The following RALGPS2 variants were observed in gnomAD, a reference collection of about 807,000 sequenced individuals.
The protein encoded by RALGPS2 is ras-specific guanine nucleotide-releasing factor RalGPS2.
A neutral mutation model predicts 86.8 loss-of-function variants in RALGPS2; 43 were observed. That is an observed-to-expected ratio of 0.50 (90% CI 0.39 to 0.64). The LOEUF is 0.64. RALGPS2 is among the 30% of genes least tolerant of loss of function. The probability of loss-of-function intolerance (pLI) is 0.00; values close to 1 mark genes in which losing one functional copy is unlikely to be tolerated. For missense variants in RALGPS2, 536 were observed against 694.6 expected (o/e 0.77, Z 2.57); for synonymous variants, 243 against 231.3 (o/e 1.05, Z -0.46).
At chr1:178,886,792 A>G (rs986542694) in intron 13 of RALGPS2, among the ~76,000 whole-genome samples, 1 of 152,152 alleles carries the variant, frequency 6.6e-6, no homozygotes, top group South Asian at 2.1e-4. Context: ...AAGTAAGGGG[A>G]AAAAAACAAA....
intron 8 of RALGPS2, chr1:178,850,312 T>A (rs764976370): frequency 6.6e-6 from 1 of 152,616 alleles, no homozygotes; most frequent in Non-Finnish European, 1.5e-5. Flanking sequence ...ATTAGAACTA[T>A]AATTCAGATC....
intron 4 of RALGPS2, among the ~76,000 whole-genome samples, chr1:178,795,442 T>G (rs1654144696): frequency 6.6e-6 from 1 of 152,164 alleles, no homozygotes; most frequent in East Asian, 1.9e-4. Flanking sequence ...AGACAAAGTC[T>G]TACTCTGTTG....
intron 1 of RALGPS2, among the ~76,000 whole-genome samples, chr1:178,729,811 C>T (rs982216401): frequency 4.6e-5 from 7 of 152,204 alleles, no homozygotes; most frequent in African/African-American, 1.2e-4. Flanking sequence ...ATTAAAACTC[C>T]GGTCCTCTGC....
At chr1:178,764,216 A>G (rs562464682) in intron 1 of RALGPS2, among the ~76,000 whole-genome samples, 193 of 152,288 alleles carry the variant, frequency 1.3e-3, no homozygotes, top group Non-Finnish European at 2.1e-3. Flanking sequence ...CCATTATGTA[A>G]TGCCCTTTAT....
chr1:178,739,806 A>G (rs1650919917), intron 1 of RALGPS2, among the ~76,000 whole-genome samples: 1 of 152,236 alleles, frequency 6.6e-6, no homozygotes, highest in African/African-American at 2.4e-5. Context: ...GGGAACAGGC[A>G]GTACTAATTG....
At chr1:178,820,957 C>A (rs1415467063) in intron 6 of RALGPS2, among the ~76,000 whole-genome samples, 1 of 152,110 alleles carries the variant, frequency 6.6e-6, no homozygotes, top group East Asian at 1.9e-4. Context: ...AGGATATAAG[C>A]ATCAGGCAGT....
intron 6 of RALGPS2, among the ~76,000 whole-genome samples, chr1:178,818,121 A>C (rs536085112): frequency 2.0e-5 from 3 of 152,168 alleles, no homozygotes; most frequent in African/African-American, 7.2e-5. Flanking sequence ...AGCACTCTGG[A>C]AGGCCAAGGC....
At chr1:178,756,251 T>C (rs1044599581) in intron 1 of RALGPS2, among the ~76,000 whole-genome samples, 4 of 152,202 alleles carry the variant, frequency 2.6e-5, no homozygotes, top group African/African-American at 9.6e-5. Context: ...ATGTCCAGAA[T>C]GGTGTTTCCT....
chr1:178,852,249 G>C lies in RALGPS2; in HGVS notation c.607+18699G>C, dbSNP rs1657219853. Reference sequence around the variant, plus strand: ...CCACCACTTTCTATTTTCTTACTCAGTTTTATTTTTGAGAGTACTTATTCC... The same window carrying C: ...CCACCACTTTCTATTTTCTTACTCACTTTTATTTTTGAGAGTACTTATTCC... On this transcript the variant is annotated intron_variant, in intron 8 of 19. Coordinates refer to ENST00000367635, the MANE Select transcript of RALGPS2 (RefSeq NM_152663.5). Among the ~76,000 whole-genome samples, 3 of 152,082 alleles carry C rather than the reference G, an allele frequency of 2.0e-5. No homozygotes were observed. The South Asian group carries it at 6.2e-4, about 32-fold the overall frequency.
In RALGPS2 at chr1:178,885,194, C is replaced by A; in HGVS notation, c.1023C>A (p.Cys341Ter). 4 of 1,612,868 alleles carry A rather than the reference C, an allele frequency of 2.5e-6. No individual in the cohort carries two copies. The highest frequency in any genetic ancestry group is 2.5e-6 in the Non-Finnish European group (3 of 1,179,630). The change falls in exon 12 of 20, where the codon TGC becomes TGA. Residue 341 changes from cysteine to a stop codon, truncating the protein, a stop_gained. Coordinates refer to ENST00000367635, the MANE Select transcript of RALGPS2 (RefSeq NM_152663.5). LOFTEE classifies it high-confidence loss of function. ...RNLIPHGHRK[C>*]HSLGYNFIHK... ...TGATTCCACATGGACATAGGAAGTGCCATAGTTTGGGTTATAAGTCAGCAT... is the reference window on the plus strand; with the variant it reads ...TGATTCCACATGGACATAGGAAGTGACATAGTTTGGGTTATAAGTCAGCAT...
intron 1 of RALGPS2, among the ~76,000 whole-genome samples, chr1:178,750,559 A>C (rs1052399277): frequency 6.6e-6 from 1 of 152,252 alleles, no homozygotes; most frequent in Non-Finnish European, 1.5e-5. Flanking sequence ...CGTGAACTTT[A>C]AGAAGTAGAA....
chr1:178,832,622 A>C (rs891171753), intron 7 of RALGPS2, among the ~76,000 whole-genome samples: 1 of 152,178 alleles, frequency 6.6e-6, no homozygotes, highest in African/African-American at 2.4e-5. Context: ...CTGTAAAACA[A>C]CACCAATATT....
chr1:178,752,757 G>A (rs1417163073), intron 1 of RALGPS2, among the ~76,000 whole-genome samples: 1 of 152,100 alleles, frequency 6.6e-6, no homozygotes, highest in African/African-American at 2.4e-5. Flanking sequence ...TCTCCAATTT[G>A]GAAATCTTTC....
In RALGPS2 at chr1:178,916,440, A is replaced by G; in HGVS notation, c.*81A>G. ...GATAAAAGAGCGCCAGCTATAAACC[A>G]TCCTGTGCCAGGAAGAGCCCAGAGG... On this transcript the variant is annotated 3_prime_UTR_variant, in exon 20 of 20. Coordinates refer to ENST00000367635, the MANE Select transcript of RALGPS2 (RefSeq NM_152663.5). The G allele has an allele frequency of 1.5e-6, 2 of 1,357,572 alleles. No homozygotes were observed. The highest frequency in any genetic ancestry group is 2.0e-6 in the Non-Finnish European group (2 of 978,056). The allele number at this position is 1,357,572 out of a possible 1,614,324, so 84.1% of individuals were successfully genotyped here. A position where few individuals can be genotyped will look rare whatever the true frequency, so the allele number is the denominator to read the frequency against.
chr1:178,906,443 T>G (rs2102412080), intron 18 of RALGPS2, among the ~76,000 whole-genome samples: 1 of 152,310 alleles, frequency 6.6e-6, no homozygotes, highest in East Asian at 1.9e-4. Flanking sequence ...TCTGCAGTCT[T>G]ATCCACACAG....
At chr1:178,822,380 T>C (rs1321083903) in intron 7 of RALGPS2, among the ~76,000 whole-genome samples, 3 of 152,008 alleles carry the variant, frequency 2.0e-5, no homozygotes, top group Non-Finnish European at 4.4e-5. Context: ...AATTTATTTA[T>C]ATTCAATACT....
intron 9 of RALGPS2, among the ~76,000 whole-genome samples, chr1:178,878,446 C>T (rs1372621171): frequency 1.3e-5 from 2 of 152,064 alleles, no homozygotes; most frequent in African/African-American, 4.8e-5. Context: ...AAAGTTAAAT[C>T]AAATAATTCC....
chr1:178,812,942 T>C (rs964172535), intron 6 of RALGPS2, among the ~76,000 whole-genome samples: 1 of 149,720 alleles, frequency 6.7e-6, no homozygotes, highest in Non-Finnish European at 1.5e-5. Flanking sequence ...TTTTTTTTTT[T>C]TTTTTTTGGA....
chr1:178,737,870 C>T (rs1013366068), intron 1 of RALGPS2, among the ~76,000 whole-genome samples: 71 of 152,138 alleles, frequency 4.7e-4, no homozygotes, highest in African/African-American at 1.6e-3. Context: ...CTTGACCTCC[C>T]AGACTTAAGT....
Sources: gnomAD v4.1 joint callset for allele counts (sites outside exome capture counted in the v4.1 genomes callset) on GRCh38, gnomAD v4.1.1 for gene constraint, MANE v1.5 for transcripts, NCBI Gene and HGNC (gene_info 2026-07-23, HGNC 2026-07-21) for gene names.